SCG5: variants seen among roughly 807,000 people sequenced by gnomAD.
SCG5 encodes secretogranin V.
SCG5 carries 18 observed loss-of-function variants against 25.7 expected under a neutral mutation model. The observed-to-expected ratio is 0.70, with a 90% CI of 0.48 to 1.04. SCG5 has a LOEUF of 1.04. SCG5 is among the 50% of genes least tolerant of loss of function. The pLI, the probability that SCG5 is intolerant of heterozygous loss-of-function variation, is 0.00. For synonymous variants in SCG5, 101 were observed against 91.7 expected (o/e 1.10, Z -0.58); for missense variants, 206 against 259.8 (o/e 0.79, Z 1.42).
intron 4 of SCG5, among the ~76,000 whole-genome samples, chr15:32,689,615 C>T (rs562315543): frequency 6.6e-6 from 1 of 152,266 alleles, no homozygotes; most frequent in South Asian, 2.1e-4. Flanking sequence ...AAGGAATGGG[C>T]GTGAGGAGAG....
intron 2 of SCG5, among the ~76,000 whole-genome samples, chr15:32,676,710 C>A (rs891149436): frequency 1.3e-5 from 2 of 152,108 alleles, no homozygotes; most frequent in Non-Finnish European, 2.9e-5. Context: ...AAAGGATAAT[C>A]AAAGATTTAC....
chr15:32,694,315 A>G (rs1296250421), intron 5 of SCG5, among the ~76,000 whole-genome samples: 1 of 152,220 alleles, frequency 6.6e-6, no homozygotes, highest in Non-Finnish European at 1.5e-5. Flanking sequence ...ATTCTCCTCA[A>G]AGTTGCAACC....
chr15:32,658,489 G>A (rs918060072), intron 2 of SCG5, among the ~76,000 whole-genome samples: 9 of 152,196 alleles, frequency 5.9e-5, no homozygotes, highest in Non-Finnish European at 8.8e-5. Flanking sequence ...AGTATGTGTT[G>A]AGTGGAGGGT....
In SCG5 at chr15:32,679,873, G is replaced by A. The variant is rs1370921160; in HGVS notation, c.334G>A (p.Gly112Arg). ...NIPKDFSEDQGYPDPPNPCPV... is the reference protein window; with the variant it reads ...NIPKDFSEDQRYPDPPNPCPV... Reference sequence around the variant, plus strand: ...TCCTAAGGACTTTAGTGAGGATCAGGGGTACCCAGACCCTCCAAATCCCTG... The same window carrying A: ...TCCTAAGGACTTTAGTGAGGATCAGAGGTACCCAGACCCTCCAAATCCCTG... Residue 112 changes from glycine to arginine, a missense_variant, in exon 3 of 6, where the codon GGG becomes AGG. Transcript: ENST00000300175. 1.2e-6 allele frequency: 2 copies of A among 1,613,788 alleles called. No individual in the cohort carries two copies. Among genetic ancestry groups the A allele is most frequent in the Non-Finnish European group, 1.7e-6 (2 of 1,179,844 alleles).
In SCG5 at chr15:32,643,659, C is replaced by T; in HGVS notation, c.67C>T (p.Pro23Ser). The T allele has an allele frequency of 6.2e-7, 1 of 1,613,952 alleles. No individual in the cohort carries two copies. The highest frequency in any genetic ancestry group is 2.2e-5 in the East Asian group (1 of 44,884). Residue 23 changes from proline (P) to serine (S), a missense_variant, in exon 2 of 6, where the codon CCA (proline) becomes TCA (serine). Physicochemically the swap from Pro to Ser is moderately conservative, Grantham distance 74. Transcript: ENST00000300175. ...GTTTTGGCTGGCATCTGGATGGACT[C>T]CAGCATTTGCTTACAGCCCCCGGAC... Reference protein sequence around the residue: ...LLFWLASGWTPAFAYSPRTPD... With the variant: ...LLFWLASGWTSAFAYSPRTPD...
At chr15:32,652,734 A>G (rs2054052662) in intron 2 of SCG5, among the ~76,000 whole-genome samples, 1 of 152,182 alleles carries the variant, frequency 6.6e-6, no homozygotes, top group African/African-American at 2.4e-5. Context: ...CAGTCTCCCA[A>G]ATCTCTTTTC....
chr15:32,688,265 A>G (rs2054759430), intron 4 of SCG5, among the ~76,000 whole-genome samples: 1 of 152,220 alleles, frequency 6.6e-6, no homozygotes, highest in Admixed American at 6.5e-5. Context: ...TGGCTCCTGT[A>G]CATGCCAGCT....
intron 2 of SCG5, among the ~76,000 whole-genome samples, chr15:32,666,813 A>G (rs1018987719): frequency 6.6e-6 from 1 of 152,232 alleles, no homozygotes; most frequent in African/African-American, 2.4e-5. Flanking sequence ...ATGAGGTCAT[A>G]CAGCTAAGGT....
intron 2 of SCG5, among the ~76,000 whole-genome samples, chr15:32,650,920 G>A (rs12438479): frequency 0.14 from 21,764 of 152,214 alleles, 1,749 homozygotes; most frequent in Middle Eastern, 0.19. Context: ...ACGTTCTGCC[G>A]GGCGCGATGG....
chr15:32,644,449 C>T (rs1381480016), intron 2 of SCG5, among the ~76,000 whole-genome samples: 1 of 152,004 alleles, frequency 6.6e-6, no homozygotes, highest in Non-Finnish European at 1.5e-5. Flanking sequence ...ATAATTAAAT[C>T]GTTTTAAGGT....
At chr15:32,691,216 A>G (rs1346126636) in intron 4 of SCG5, among the ~76,000 whole-genome samples, 2 of 152,300 alleles carry the variant, frequency 1.3e-5, no homozygotes, top group Middle Eastern at 3.4e-3. Context: ...TGGTTTTCCA[A>G]TTGTCTTGAC....
chr15:32,667,146 T>C (rs2054332982), intron 2 of SCG5, among the ~76,000 whole-genome samples: 1 of 152,244 alleles, frequency 6.6e-6, no homozygotes, highest in Non-Finnish European at 1.5e-5. Flanking sequence ...CTTTTTGAAG[T>C]GAGAAGACTA....
At position 32,670,590 on chromosome 15, in the gene SCG5, C is replaced by T. The variant is rs529259262; in HGVS notation, c.227-9176C>T. On this transcript the variant is annotated intron_variant, in intron 2 of 5. Coordinates refer to ENST00000300175, the MANE Select transcript of SCG5 (RefSeq NM_001144757.3). ...AGAGCTGAGGTGATAATATCCATCT[C>T]TAAGTATAAACTATTGTGTGTTCAT... is the stretch of plus-strand genomic sequence containing the variant. 3.3e-5 allele frequency among the ~76,000 whole-genome samples: 5 copies of T among 152,344 alleles called. No homozygotes were observed. In the South Asian group the frequency reaches 1.0e-3, roughly 32 times the overall value.
intron 2 of SCG5, among the ~76,000 whole-genome samples, chr15:32,662,937 G>A (rs568317939): frequency 6.6e-6 from 1 of 150,694 alleles, no homozygotes; most frequent in South Asian, 2.1e-4. Flanking sequence ...ACATTAGTTG[G>A]GCCTCTGTAA....
Position 32,696,587 on chromosome 15 carries a change from A to T in SCG5, c.617A>T (p.Asp206Val), listed in dbSNP as rs1470886492. ...VAKKSVPHFS[D>V]EDKDPE is the part of the protein sequence containing the mutation. Reference sequence around the variant, plus strand: ...AAGAAGTCTGTCCCCCATTTTTCAGATGAGGATAAGGATCCAGAGTAAAGA... The same window carrying T: ...AAGAAGTCTGTCCCCCATTTTTCAGTTGAGGATAAGGATCCAGAGTAAAGA... The change falls in exon 6 of 6, where the codon GAT becomes GTT. Residue 206 changes from aspartate to valine, a missense_variant. By Grantham distance (152) the Asp-to-Val change is radical. Transcript: ENST00000300175. 1 of 1,612,456 alleles carries T rather than the reference A, an allele frequency of 6.2e-7. No homozygotes were observed. The highest frequency in any genetic ancestry group is 8.5e-7 in the Non-Finnish European group (1 of 1,179,010).
At chr15:32,691,888 A>G (rs2054865451) in intron 5 of SCG5, 125 bp downstream of exon 5, 11 of 1,508,886 alleles carry the variant, frequency 7.3e-6, no homozygotes, top group Admixed American at 2.3e-5. Context: ...CCTGAGAAAC[A>G]CTGGTCCATG....
intron 4 of SCG5, among the ~76,000 whole-genome samples, chr15:32,689,285 A>G (rs1038361376): frequency 2.0e-5 from 3 of 152,154 alleles, no homozygotes; most frequent in Non-Finnish European, 2.9e-5. Flanking sequence ...TGGTGTTCAA[A>G]CTGTCCTAAA....
intron 5 of SCG5, among the ~76,000 whole-genome samples, chr15:32,695,283 G>A (rs2140621917): frequency 6.6e-6 from 1 of 152,140 alleles, no homozygotes; most frequent in South Asian, 2.1e-4. Flanking sequence ...CCAAAGTGCT[G>A]GGATTACAGG....
chr15:32,648,140 C>T (rs1192609902), intron 2 of SCG5, among the ~76,000 whole-genome samples: 1 of 152,212 alleles, frequency 6.6e-6, no homozygotes, highest in Non-Finnish European at 1.5e-5. Context: ...ATGAGTAGTG[C>T]CCCTGCTTAG....
Sources: gnomAD v4.1 joint callset for allele counts (sites outside exome capture counted in the v4.1 genomes callset) on GRCh38, gnomAD v4.1.1 for gene constraint, MANE v1.5 for transcripts, NCBI Gene and HGNC (gene_info 2026-07-23, HGNC 2026-07-21) for gene names.